The following PGCKA1 variants were observed in gnomAD, a reference collection of about 807,000 sequenced individuals.
PGCKA1 encodes PDCD10 and GCKIII kinases-associated protein 1.
chr4:37,454,345 T>C, the PGCKA1 span, among the ~76,000 whole-genome samples: 1 of 152,216 alleles, frequency 6.6e-6, no homozygotes, highest in African/African-American at 2.4e-5. Context: ...TAATTGGTTG[T>C]GTGAAACATT....
chr4:37,589,722 C>A, the PGCKA1 span, among the ~76,000 whole-genome samples: 1 of 152,170 alleles, frequency 6.6e-6, no homozygotes, highest in Non-Finnish European at 1.5e-5. Context: ...GCCTCCGCCT[C>A]CCAGGTTCAA....
the PGCKA1 span, among the ~76,000 whole-genome samples, chr4:37,519,342 C>T: frequency 6.6e-6 from 1 of 151,880 alleles, no homozygotes. Context: ...TACATTGAAT[C>T]TGTAGATTGC....
At chr4:37,475,938 T>C in the PGCKA1 span, among the ~76,000 whole-genome samples, 1 of 150,920 alleles carries the variant, frequency 6.6e-6, no homozygotes, top group Non-Finnish European at 1.5e-5. Context: ...CTAAAATATG[T>C]ATTTTATTTT....
the PGCKA1 span, among the ~76,000 whole-genome samples, chr4:37,554,347 A>ATATT: frequency 0.31 from 47,061 of 150,102 alleles, 7,759 homozygotes; most frequent in East Asian, 0.47. Flanking sequence ...TCCTTTAGAA[A>ATATT]TATTTATTTA....
the PGCKA1 span, among the ~76,000 whole-genome samples, chr4:37,554,799 T>A: frequency 6.6e-6 from 1 of 152,172 alleles, no homozygotes; most frequent in African/African-American, 2.4e-5. Flanking sequence ...GAAAATAATA[T>A]GTGCAAAGGT....
At chr4:37,539,285 G>A in the PGCKA1 span, among the ~76,000 whole-genome samples, 1 of 152,188 alleles carries the variant, frequency 6.6e-6, no homozygotes, top group South Asian at 2.1e-4. Context: ...TGGTTATCGC[G>A]TTCTGCTGCC....
chr4:37,566,214 A>G, the PGCKA1 span, among the ~76,000 whole-genome samples: 1 of 151,930 alleles, frequency 6.6e-6, no homozygotes, highest in South Asian at 2.1e-4. Context: ...ACCTTGCCGC[A>G]TAGCACAACA....
At chr4:37,513,410 A>AACAAT in the PGCKA1 span, among the ~76,000 whole-genome samples, 34 of 152,348 alleles carry the variant, frequency 2.2e-4, no homozygotes, top group Admixed American at 1.5e-3. Context: ...GACATTGTTT[A>AACAAT]GTTTCTAGTG....
At chr4:37,469,303 C>T in the PGCKA1 span, among the ~76,000 whole-genome samples, 1 of 152,196 alleles carries the variant, frequency 6.6e-6, no homozygotes, top group Non-Finnish European at 1.5e-5. Flanking sequence ...ATTTAAAGCA[C>T]TAATTATTTT....
the PGCKA1 span, among the ~76,000 whole-genome samples, chr4:37,497,847 G>A: frequency 3.9e-5 from 6 of 152,136 alleles, no homozygotes; most frequent in African/African-American, 1.4e-4. Flanking sequence ...TTACTCTGCT[G>A]ACTGTTCCTT....
the PGCKA1 span, among the ~76,000 whole-genome samples, chr4:37,572,647 A>T: frequency 3.9e-3 from 589 of 152,316 alleles, 10 homozygotes; most frequent in Admixed American, 0.026. Context: ...GGATTTTTTT[A>T]AAATTTTGGA....
chr4:37,550,601 A>C, the PGCKA1 span, among the ~76,000 whole-genome samples: 1 of 152,204 alleles, frequency 6.6e-6, no homozygotes, highest in Non-Finnish European at 1.5e-5. Flanking sequence ...ATGGAAAAGG[A>C]CTAGATCCTA....
chr4:37,528,495 T>G, the PGCKA1 span, among the ~76,000 whole-genome samples: 65 of 152,306 alleles, frequency 4.3e-4, no homozygotes, highest in Admixed American at 1.6e-3. Flanking sequence ...ATGACAAGCC[T>G]TTGGGGCACC....
the PGCKA1 span, among the ~76,000 whole-genome samples, chr4:37,543,790 C>T: frequency 2.6e-5 from 4 of 151,516 alleles, no homozygotes; most frequent in African/African-American, 9.7e-5. Flanking sequence ...GCCGAGATAG[C>T]GCCACTGCAC....
the PGCKA1 span, among the ~76,000 whole-genome samples, chr4:37,566,533 G>A: frequency 2.6e-5 from 4 of 151,852 alleles, no homozygotes; most frequent in Non-Finnish European, 4.4e-5. Flanking sequence ...CACCCATATC[G>A]GCCTCCCAAA....
At chr4:37,575,032 G>A in the PGCKA1 span, among the ~76,000 whole-genome samples, 2 of 151,616 alleles carry the variant, frequency 1.3e-5, no homozygotes, top group Admixed American at 6.6e-5. Flanking sequence ...CCAAATCTTG[G>A]CTATTGTCAA....
the PGCKA1 span, among the ~76,000 whole-genome samples, chr4:37,473,200 A>G: frequency 6.6e-6 from 1 of 152,224 alleles, no homozygotes; most frequent in Non-Finnish European, 1.5e-5. Context: ...CTTATAATAT[A>G]GTGTTCTAAC....
chr4:37,477,509 A>T, the PGCKA1 span, among the ~76,000 whole-genome samples: 1 of 152,336 alleles, frequency 6.6e-6, no homozygotes, highest in East Asian at 1.9e-4. Flanking sequence ...ATGCAAAAAA[A>T]ATTGAAATAC....
At chr4:37,590,314 G>C in the PGCKA1 span, 1 of 1,613,896 alleles carries the variant, frequency 6.2e-7, no homozygotes, top group Non-Finnish European at 8.5e-7. Flanking sequence ...GCTCCCACAG[G>C]GGGACGCTGG....
Sources: allele counts gnomAD v4.1 joint callset (sites outside exome capture counted in the v4.1 genomes callset), GRCh38; gene constraint gnomAD v4.1.1; transcripts MANE v1.5; gene names NCBI Gene and HGNC (gene_info 2026-07-23, HGNC 2026-07-21).